The following RGS6 variants were observed in gnomAD, a reference collection of about 807,000 sequenced individuals.
The protein encoded by RGS6 is regulator of G-protein signaling 6.
RGS6 carries 30 observed loss-of-function variants against 78.5 expected under a neutral mutation model. That is an observed-to-expected ratio of 0.38 (90% CI 0.29 to 0.52). The LOEUF (loss-of-function observed/expected upper bound fraction) is 0.52, where lower values mean the gene tolerates loss of function less well. Among genes scored for constraint, RGS6 ranks in the 20% least tolerant of loss-of-function variants. The pLI, the probability that RGS6 is intolerant of heterozygous loss-of-function variation, is 0.85. For missense variants in RGS6, 495 were observed against 609.7 expected (o/e 0.81, Z 1.98); for synonymous variants, 206 against 206.0 (o/e 1.00, Z 0.00).
At chr14:72,592,205 G>A in the RGS6 span, among the ~76,000 whole-genome samples, 1 of 152,350 alleles carries the variant, frequency 6.6e-6, no homozygotes, top group East Asian at 1.9e-4. Flanking sequence ...GAAATCACCA[G>A]TGTGTTCTCT....
the RGS6 span, among the ~76,000 whole-genome samples, chr14:72,623,748 T>C: frequency 2.0e-5 from 3 of 152,188 alleles, no homozygotes; most frequent in African/African-American, 7.2e-5. Context: ...AAAAATATTT[T>C]CTACCTCTGT....
At chr14:72,298,567 C>A (rs576118713) in intron 2 of RGS6, among the ~76,000 whole-genome samples, 7 of 151,552 alleles carry the variant, frequency 4.6e-5, no homozygotes, top group African/African-American at 1.7e-4. Flanking sequence ...CCTGCCTCAG[C>A]CTCCCGAGTA....
At chr14:72,115,841 T>A (rs898949090) in intron 2 of RGS6, among the ~76,000 whole-genome samples, 31 of 152,174 alleles carry the variant, frequency 2.0e-4, no homozygotes, top group African/African-American at 7.2e-4. Flanking sequence ...CCACACCTAG[T>A]CTCACTAAGC....
chr14:72,485,026 G>C (rs1381707421), intron 12 of RGS6, among the ~76,000 whole-genome samples: 2 of 149,560 alleles, frequency 1.3e-5, no homozygotes, highest in South Asian at 4.2e-4. Flanking sequence ...TCAAGACCCA[G>C]TTCAAAGCCC....
the RGS6 span, among the ~76,000 whole-genome samples, chr14:72,586,893 A>G: frequency 6.6e-6 from 1 of 152,194 alleles, no homozygotes; most frequent in Admixed American, 6.5e-5. Context: ...CAGTCAACCA[A>G]CGAGAATAAG....
chr14:72,197,544 C>G (rs940223318), intron 2 of RGS6, among the ~76,000 whole-genome samples: 1 of 152,130 alleles, frequency 6.6e-6, no homozygotes, highest in Non-Finnish European at 1.5e-5. Context: ...TAGGGAGTAC[C>G]AGAGACCCAG....
chr14:72,489,432 G>GC (rs1427663849), intron 12 of RGS6, among the ~76,000 whole-genome samples: 1 of 152,202 alleles, frequency 6.6e-6, no homozygotes, highest in Non-Finnish European at 1.5e-5. Flanking sequence ...GAATAGTGGA[G>GC]CCCCAAAAGA....
At chr14:72,005,725 A>G (rs1393786134) in intron 2 of RGS6, among the ~76,000 whole-genome samples, 2 of 152,100 alleles carry the variant, frequency 1.3e-5, no homozygotes, top group East Asian at 3.9e-4. Context: ...TTTGGATAGC[A>G]TTTCTTTCTC....
the RGS6 span, among the ~76,000 whole-genome samples, chr14:72,610,710 G>C: frequency 6.6e-6 from 1 of 152,200 alleles, no homozygotes; most frequent in South Asian, 2.1e-4. Context: ...GCGCGCTCAA[G>C]GGCAGGTGGG....
chr14:71,999,605 A>G (rs983194374), intron 2 of RGS6, among the ~76,000 whole-genome samples: 8 of 152,112 alleles, frequency 5.3e-5, no homozygotes, highest in East Asian at 1.9e-4. Context: ...AGGTGGTTGG[A>G]TGGTGGGGGT....
chr14:72,493,427 G>T (rs541665594), intron 12 of RGS6, among the ~76,000 whole-genome samples: 1 of 151,700 alleles, frequency 6.6e-6, no homozygotes, highest in South Asian at 2.1e-4. Context: ...AGTTAAAAGA[G>T]AGTTTAACAA....
the RGS6 span, among the ~76,000 whole-genome samples, chr14:71,874,552 T>C: frequency 1.4e-3 from 215 of 152,350 alleles, no homozygotes; most frequent in Middle Eastern, 3.4e-3. Context: ...GCTGAGAAAA[T>C]GGGATTTTCT....
intron 2 of RGS6, among the ~76,000 whole-genome samples, chr14:72,220,765 A>T (rs530838057): frequency 6.6e-6 from 1 of 152,354 alleles, no homozygotes; most frequent in East Asian, 1.9e-4. Flanking sequence ...ATCGTCTTTT[A>T]TAGCAACAAG....
At chr14:71,874,171 C>T in the RGS6 span, among the ~76,000 whole-genome samples, 7 of 151,998 alleles carry the variant, frequency 4.6e-5, no homozygotes, top group Admixed American at 6.6e-5. Flanking sequence ...TTTTCCAATT[C>T]TGTGAAGAAA....
intron 3 of RGS6, among the ~76,000 whole-genome samples, chr14:72,449,696 C>G (rs1386274953): frequency 6.6e-6 from 1 of 152,174 alleles, no homozygotes; most frequent in Non-Finnish European, 1.5e-5. Flanking sequence ...GGTTGGCACC[C>G]TTAGGCCGGA....
chr14:72,067,976 G>T (rs755843426), intron 2 of RGS6, among the ~76,000 whole-genome samples: 1 of 152,110 alleles, frequency 6.6e-6, no homozygotes, highest in African/African-American at 2.4e-5. Context: ...ATTCATGTGT[G>T]CGTTAAAGAT....
At chr14:72,560,118 C>T (rs183670786) in intron 17 of RGS6, among the ~76,000 whole-genome samples, 1 of 147,710 alleles carries the variant, frequency 6.8e-6, no homozygotes, top group African/African-American at 2.6e-5. Flanking sequence ...TTTTTTTTTT[C>T]CCATCCACCA....
At chr14:72,419,454 C>T (rs750087342) in intron 3 of RGS6, among the ~76,000 whole-genome samples, 3 of 152,164 alleles carry the variant, frequency 2.0e-5, no homozygotes, top group Admixed American at 1.3e-4. Context: ...CCAAGACTGC[C>T]GGCCTGAATT....
chr14:72,100,110 G>T (rs1455953954), intron 2 of RGS6, among the ~76,000 whole-genome samples: 2 of 152,172 alleles, frequency 1.3e-5, no homozygotes, highest in African/African-American at 4.8e-5. Flanking sequence ...GGTGAAGAGA[G>T]GGGTAGGTTT....
Sources: allele counts gnomAD v4.1 joint callset (sites outside exome capture counted in the v4.1 genomes callset), GRCh38; gene constraint gnomAD v4.1.1; transcripts MANE v1.5; gene names NCBI Gene and HGNC (gene_info 2026-07-23, HGNC 2026-07-21).